Variants in NSUN2 observed in about 807,000 individuals in gnomAD.
The protein encoded by NSUN2 is RNA cytosine C(5)-methyltransferase NSUN2.
Under a neutral mutation model 92.7 loss-of-function variants are expected in NSUN2, and 63 were observed. The observed-to-expected ratio is 0.68, with a 90% CI of 0.56 to 0.84. The LOEUF (loss-of-function observed/expected upper bound fraction) is 0.84. Among genes scored for constraint, NSUN2 ranks in the 40% least tolerant of loss-of-function variants. NSUN2 has a pLI of 0.00. For synonymous variants in NSUN2, 356 were observed against 348.3 expected (o/e 1.02, Z -0.25); for missense variants, 989 against 964.9 (o/e 1.02, Z -0.33).
At chr5:6,614,770 G>A (rs1178603812) in intron 9 of NSUN2, among the ~76,000 whole-genome samples, 1 of 152,092 alleles carries the variant, frequency 6.6e-6, no homozygotes, top group East Asian at 1.9e-4. Context: ...ACAATTTTGC[G>A]GTAATGAGAC....
intron 5 of NSUN2, 71 bp downstream of exon 5, chr5:6,623,143 T>C (rs1364761754): frequency 1.5e-5 from 20 of 1,337,204 alleles, no homozygotes; most frequent in Non-Finnish European, 1.9e-5. Flanking sequence ...AAAAATGGTT[T>C]CATCAAAACA....
At position 6,611,689 on chromosome 5, in the gene NSUN2, T is replaced by C. The variant is rs749531314; in HGVS notation, c.1095+36A>G. The C allele has an allele frequency of 4.1e-5, 65 of 1,580,600 alleles. 1 individual carries two copies. In the South Asian group the frequency reaches 7.1e-4, roughly 17 times the overall value. ...GACTCTACTTCAGTGATGCTGCACC[T>C]ACTCTTTAGAATGAAAGTTCTCGAG... On this transcript the variant is annotated intron_variant, in intron 10 of 18. Coordinates refer to ENST00000264670, the MANE Select transcript of NSUN2 (RefSeq NM_017755.6).
At chr5:6,618,394 C>G (rs1348133125) in intron 7 of NSUN2, among the ~76,000 whole-genome samples, 1 of 152,182 alleles carries the variant, frequency 6.6e-6, no homozygotes, top group African/African-American at 2.4e-5. Flanking sequence ...ACACTTTAAT[C>G]AGAATTACAT....
At chr5:6,619,419 T>G (rs1436553599) in intron 7 of NSUN2, among the ~76,000 whole-genome samples, 1 of 152,234 alleles carries the variant, frequency 6.6e-6, no homozygotes, top group African/African-American at 2.4e-5. Context: ...TTGACAAACT[T>G]ATGTCATTCA....
chr5:6,603,689 C>G (rs1736645029), intron 17 of NSUN2, among the ~76,000 whole-genome samples: 1 of 151,806 alleles, frequency 6.6e-6, no homozygotes, highest in Admixed American at 6.6e-5. Context: ...GACTCTGTCT[C>G]AAAACAAAAA....
intron 7 of NSUN2, 45 bp from the exon 8 acceptor site, chr5:6,618,069 T>C: frequency 7.5e-7 from 1 of 1,339,608 alleles, no homozygotes; most frequent in Non-Finnish European, 1.1e-6. Context: ...TACAGGTGGA[T>C]GACTGCACTT....
Position 6,611,005 on chromosome 5 carries a change from C to T in NSUN2, c.1176G>A (p.Met392Ile). ...HSRHTQIRPTMFPPKDPEKLQ... is the reference protein window; with the variant it reads ...HSRHTQIRPTIFPPKDPEKLQ... ...GCTTTTCTGGGTCCTTCGGAGGGAACATGGTAGGTCGGATCTGGGTGTGTC... is the reference window on the plus strand; with the variant it reads ...GCTTTTCTGGGTCCTTCGGAGGGAATATGGTAGGTCGGATCTGGGTGTGTC... The change falls in exon 11 of 19, where the codon ATG becomes ATA. Residue 392 changes from methionine to isoleucine, a missense_variant. This residue lies in a region of NSUN2 where 626 missense variants were observed against 602.3 expected (regional missense o/e 1.04). Coordinates refer to ENST00000264670, the MANE Select transcript of NSUN2 (RefSeq NM_017755.6). The T allele has an allele frequency of 6.2e-7, 1 of 1,614,180 alleles. No individual in the cohort carries two copies. The highest frequency in any genetic ancestry group is 8.5e-7 in the Non-Finnish European group (1 of 1,180,034).
intron 14 of NSUN2, among the ~76,000 whole-genome samples, chr5:6,606,215 GTCTATATAC>G (rs1370980006): frequency 6.6e-6 from 1 of 152,090 alleles, no homozygotes; most frequent in African/African-American, 2.4e-5. Flanking sequence ...TTGGCTACTC[GTCTATATAC>G]TCAATTGAGT....
intron 8 of NSUN2, among the ~76,000 whole-genome samples, 173 bp from the exon 9 acceptor site, chr5:6,617,030 T>C (rs1560979472): frequency 6.6e-6 from 1 of 152,052 alleles, no homozygotes; most frequent in African/African-American, 2.4e-5. Flanking sequence ...AAGTGTTTCA[T>C]GTTAATAAAA....
At chr5:6,613,193 C>T (rs986945208) in intron 9 of NSUN2, among the ~76,000 whole-genome samples, 2 of 152,172 alleles carry the variant, frequency 1.3e-5, no homozygotes, top group African/African-American at 4.8e-5. Context: ...TCATTTTTGA[C>T]ACTTGCTAAC....
intron 3 of NSUN2, among the ~76,000 whole-genome samples, chr5:6,631,201 G>T (rs1737874272): frequency 6.6e-6 from 1 of 152,212 alleles, no homozygotes; most frequent in African/African-American, 2.4e-5. Context: ...TCCCACTTAT[G>T]TAAGTTAACT....
At chr5:6,610,493 A>G (rs1736942806) in intron 11 of NSUN2, among the ~76,000 whole-genome samples, 1 of 152,062 alleles carries the variant, frequency 6.6e-6, no homozygotes, top group Admixed American at 6.5e-5. Flanking sequence ...GTTCAACACC[A>G]GCCTGGCCAA....
Position 6,600,470 on chromosome 5 carries a change from A to G in NSUN2, c.1998-238T>C, listed in dbSNP as rs72724246. On this transcript the variant is annotated intron_variant, in intron 18 of 18. Transcript: ENST00000264670. ...GCTTTCGCCCTGCCTCTTTAAGTTC[A>G]CAATGGAGTAGAGGCCCCAAATCTA... is the stretch of plus-strand genomic sequence containing the variant. Among the ~76,000 whole-genome samples, 219 of 152,302 alleles carry G rather than the reference A, an allele frequency of 1.4e-3. 1 individual carries two copies. Among genetic ancestry groups the G allele is most frequent in the Non-Finnish European group, 2.7e-3 (182 of 68,028 alleles).
chr5:6,605,658 C>T (rs562540934), intron 14 of NSUN2, among the ~76,000 whole-genome samples: 39 of 152,126 alleles, frequency 2.6e-4, no homozygotes, highest in Middle Eastern at 3.4e-3. Flanking sequence ...CTCCCTCAGC[C>T]GCTACTCCAA....
At chr5:6,616,301 CAACAG>C (rs1211989386) in intron 9 of NSUN2, among the ~76,000 whole-genome samples, 9 of 152,150 alleles carry the variant, frequency 5.9e-5, no homozygotes, top group Non-Finnish European at 1.2e-4. Flanking sequence ...TTTATATAAA[CAACAG>C]AATAGTGTTC....
intron 6 of NSUN2, 52 bp downstream of exon 6, chr5:6,621,964 C>T (rs1737465563): frequency 6.8e-7 from 1 of 1,470,840 alleles, no homozygotes; most frequent in South Asian, 1.1e-5. Context: ...TCCTTGTCTA[C>T]AATCTGCCAA....
rs1342151289 is a variant in NSUN2 at position 6,599,241 on chromosome 5, T to C, written c.*685A>G. 6.6e-6 allele frequency: 1 copy of C among 152,642 alleles called. No individual in the cohort carries two copies. The highest frequency in any genetic ancestry group is 2.4e-5 in the African/African-American group (1 of 41,454). 9.5% of individuals were successfully genotyped at this position (152,642 alleles called of 1,614,324 possible). On this transcript the variant is annotated 3_prime_UTR_variant, in exon 19 of 19. Transcript: ENST00000264670. ...CAAAAACAGGAATCACACATGTATA[T>C]ATTTTATCAATTTTATTGAAATATT...
rs145931025 is a variant in NSUN2 at position 6,631,394 on chromosome 5, T to C, written c.359+479A>G. 5.2e-3 allele frequency among the ~76,000 whole-genome samples: 786 copies of C among 152,232 alleles called. 5 individuals carry two copies. The highest frequency in any genetic ancestry group is 0.017 in the Admixed American group (255 of 15,292). Reference sequence around the variant, plus strand: ...TAGTAGCACGCTTGGGTGCTGAGACTCGGAAATGCTACATTGGCTGGTGCA... The same window carrying C: ...TAGTAGCACGCTTGGGTGCTGAGACCCGGAAATGCTACATTGGCTGGTGCA... On this transcript the variant is annotated intron_variant, in intron 3 of 18. Transcript: ENST00000264670.
chr5:6,619,497 G>A (rs1008375871), intron 7 of NSUN2, among the ~76,000 whole-genome samples: 1 of 152,116 alleles, frequency 6.6e-6, no homozygotes, highest in Non-Finnish European at 1.5e-5. Context: ...GATGTCTTTA[G>A]TTTTGTTTCT....
Sources: allele counts gnomAD v4.1 joint callset (sites outside exome capture counted in the v4.1 genomes callset), GRCh38; gene constraint gnomAD v4.1.1; regional missense constraint gnomAD v4.1.1; transcripts MANE v1.5; gene names NCBI Gene and HGNC (gene_info 2026-07-23, HGNC 2026-07-21).